ITIH5: variants seen among roughly 807,000 people sequenced by gnomAD.
ITIH5 encodes the protein inter-alpha-trypsin inhibitor heavy chain 5, also known as inter-alpha-trypsin inhibitor heavy chain H5.
A neutral mutation model predicts 77.5 loss-of-function variants in ITIH5; 65 were observed. The observed-to-expected ratio is 0.84, with a 90% confidence interval of 0.69 to 1.03. The LOEUF is 1.03. Among genes scored for constraint, ITIH5 ranks in the 50% least tolerant of loss-of-function variants. The pLI is 0.00. For missense variants in ITIH5, 1,208 were observed against 1,213.1 expected (o/e 1.00, Z 0.06); for synonymous variants, 525 against 494.3 (o/e 1.06, Z -0.82).
At position 7,576,473 on chromosome 10, in the gene ITIH5, C is replaced by T. The variant is rs369347222; in HGVS notation, c.1958G>A (p.Arg653Gln). Residue 653 changes from arginine (R) to glutamine (Q), a missense_variant, in exon 10 of 14, where the codon CGA (arginine) becomes CAA (glutamine). Physicochemically the swap from Arg to Gln is conservative, Grantham distance 43. Transcript: ENST00000397146. The part of the protein sequence containing the change: ...MGPEPVVQSV[R>Q]GAGTQPGPLL... ...CGTACCTGGCTGCGTGCCAGCTCCTCGCACGCTCTGCACCACCGGTTCGGG... is the reference window on the plus strand; with the variant it reads ...CGTACCTGGCTGCGTGCCAGCTCCTTGCACGCTCTGCACCACCGGTTCGGG... 23 of 1,600,950 alleles carry T rather than the reference C, an allele frequency of 1.4e-5. No homozygotes were observed. Among genetic ancestry groups the T allele is most frequent in the East Asian group, 6.7e-5 (3 of 44,664 alleles).
chr10:7,570,009 A>C, intron 11 of ITIH5: 1 of 446,994 alleles, frequency 2.2e-6, no homozygotes, highest in South Asian at 3.8e-5. Context: ...CAGGTCTTCT[A>C]AATTCCAATA....
chr10:7,565,050 C>CATATATACACACATAGACTGTATATAT (rs1832116461), intron 13 of ITIH5, among the ~76,000 whole-genome samples: 1 of 130,838 alleles, frequency 7.6e-6, no homozygotes, highest in Admixed American at 8.5e-5. Flanking sequence ...TATATATATA[C>CATATATACACACATAGACTGTATATAT]ATATATACAC....
At chr10:7,628,627 T>C (rs1833629032) in intron 5 of ITIH5, among the ~76,000 whole-genome samples, 1 of 152,222 alleles carries the variant, frequency 6.6e-6, no homozygotes, top group African/African-American at 2.4e-5. Flanking sequence ...ATGGGATGTG[T>C]CCATGTTGTA....
chr10:7,617,523 G>C (rs749032942), intron 5 of ITIH5: 6 of 322,066 alleles, frequency 1.9e-5, no homozygotes, highest in Admixed American at 1.5e-4. Context: ...AAAGTAGAGA[G>C]AATAGTAAAA....
chr10:7,633,344 A>G (rs1191244479), intron 5 of ITIH5, among the ~76,000 whole-genome samples: 4 of 152,220 alleles, frequency 2.6e-5, no homozygotes, highest in Non-Finnish European at 5.9e-5. Context: ...GAAAGATCCC[A>G]TTAATTTACA....
intron 8 of ITIH5, among the ~76,000 whole-genome samples, chr10:7,580,583 T>G (rs929904891): frequency 6.6e-6 from 1 of 152,230 alleles, no homozygotes; most frequent in African/African-American, 2.4e-5. Flanking sequence ...CCAGAAGGCA[T>G]GTGGCGACGC....
intron 7 of ITIH5, among the ~76,000 whole-genome samples, chr10:7,598,683 A>AC (rs1408065813): frequency 6.6e-6 from 1 of 152,160 alleles, no homozygotes; most frequent in Non-Finnish European, 1.5e-5. Flanking sequence ...ATATATGTTT[A>AC]CCCCATCTAT....
chr10:7,599,119 AT>A lies in ITIH5; in HGVS notation c.940-13051del, dbSNP rs540394915. Among the ~76,000 whole-genome samples, 384 of 152,328 alleles carry A rather than the reference AT, an allele frequency of 2.5e-3. 1 individual carries two copies. Among genetic ancestry groups the A allele is most frequent in the African/African-American group, 9.0e-3 (375 of 41,586 alleles). On this transcript the variant is annotated intron_variant, in intron 7 of 13. Coordinates refer to ENST00000397146, the MANE Select transcript of ITIH5 (RefSeq NM_030569.7). ...TCTTTACGACATAGTAGGCAAATCC[AT>A]TTTTTATAGTTGATGTGTAAATAAC...
chr10:7,662,485 C>G (rs1338807924), intron 1 of ITIH5, among the ~76,000 whole-genome samples: 1 of 152,198 alleles, frequency 6.6e-6, no homozygotes, highest in Non-Finnish European at 1.5e-5. Context: ...CATCCTCTGT[C>G]CCCCATCTTC....
At position 7,637,444 on chromosome 10, in the gene ITIH5, C is replaced by T; in HGVS notation, c.436G>A (p.Val146Met). ...KGTEIFRASA[V>M]IPSKDKAAFF... ...GCGGCTTTGTCCTTGCTGGGAATCA[C>T]TGCAGAAGCTCTGAATATTTCAGTC... Residue 146 changes from valine to methionine, a missense_variant, in exon 5 of 14, where the codon GTG (valine) becomes ATG (methionine). Transcript: ENST00000397146. The T allele has an allele frequency of 6.2e-7, 1 of 1,614,128 alleles. No individual in the cohort carries two copies.
chr10:7,565,731 G>A (rs979166397), intron 13 of ITIH5, among the ~76,000 whole-genome samples: 1 of 147,050 alleles, frequency 6.8e-6, no homozygotes, highest in East Asian at 2.0e-4. Flanking sequence ...TATTTATATA[G>A]AGAGACTATA....
chr10:7,572,388 G>A, intron 11 of ITIH5: 2 of 1,366,284 alleles, frequency 1.5e-6, no homozygotes, highest in Non-Finnish European at 2.0e-6. Context: ...CTTCCCTTCT[G>A]AAGCCACGAA....
chr10:7,665,231 G>T (rs940556403), intron 1 of ITIH5, among the ~76,000 whole-genome samples: 6 of 152,084 alleles, frequency 3.9e-5, no homozygotes, highest in African/African-American at 9.7e-5. Context: ...CTTGAACTTG[G>T]TATATGCTAG....
rs961543286 is a variant in ITIH5 at position 7,637,303 on chromosome 10, C to G, written c.577G>C (p.Glu193Gln). 3 of 1,613,528 alleles carry G rather than the reference C, an allele frequency of 1.9e-6. No individual in the cohort carries two copies. In the African/African-American group the frequency reaches 4.0e-5, roughly 22 times the overall value. The change falls in exon 5 of 14, where the codon GAG becomes CAG. Residue 193 changes from glutamate to glutamine, a missense_variant. Physicochemically the swap from Glu to Gln is conservative, Grantham distance 29. Coordinates refer to ENST00000397146, the MANE Select transcript of ITIH5 (RefSeq NM_030569.7). Reference protein sequence around the residue: ...GRLSVDVNILESAGIASLEVL... With the variant: ...GRLSVDVNILQSAGIASLEVL... ...TCCAGGGATGCGATGCCCGCGCTCT[C>G]CAGGATATTCACGTCCACGCTCAGC...
rs910044979 is a variant in ITIH5, at chr10:7,560,749, A to G, written c.*2334T>C. The G allele has an allele frequency of 6.6e-6, 1 of 152,162 alleles. No homozygotes were observed. The highest frequency in any genetic ancestry group is 1.5e-5 in the Non-Finnish European group (1 of 68,034). The allele number at this position is 152,162 out of a possible 1,614,324, so 9.4% of individuals were successfully genotyped here. A position where few individuals can be genotyped will look rare whatever the true frequency, so the allele number is the denominator to read the frequency against. On this transcript the variant is annotated 3_prime_UTR_variant, in exon 14 of 14. Coordinates refer to ENST00000397146, the MANE Select transcript of ITIH5 (RefSeq NM_030569.7). ...ATTTCTTCATCTCATTCAATTACTC[A>G]TTTTGGAACAACCCTCGCCCTGGTT...
intron 2 of ITIH5, among the ~76,000 whole-genome samples, chr10:7,650,075 A>C (rs888346941): frequency 6.6e-6 from 1 of 152,152 alleles, no homozygotes; most frequent in African/African-American, 2.4e-5. Flanking sequence ...TGAGGCAGGG[A>C]GTGTCTTAAT....
chr10:7,595,850 T>C (rs1465704651), intron 7 of ITIH5, among the ~76,000 whole-genome samples: 1 of 151,804 alleles, frequency 6.6e-6, no homozygotes, highest in African/African-American at 2.4e-5. Flanking sequence ...CTACTAATAA[T>C]ACAAAAAATT....
Position 7,573,336 on chromosome 10 carries a change from A to C in ITIH5, c.1979-141T>G, listed in dbSNP as rs1231237497. 9 of 664,770 alleles carry C rather than the reference A, an allele frequency of 1.4e-5. No individual in the cohort carries two copies. The African/African-American group carries it at 1.5e-4, about 11-fold the overall frequency. The allele number at this position is 664,770 out of a possible 1,614,324, so 41.2% of individuals were successfully genotyped here. Reference sequence around the variant, plus strand: ...GCTTAAATAATCAAAAGACCTTTAAAACATCATCAGTCTTAAAAAGGGAGC... The same window carrying C: ...GCTTAAATAATCAAAAGACCTTTAACACATCATCAGTCTTAAAAAGGGAGC... On this transcript the variant is annotated intron_variant, in intron 10 of 13. Coordinates refer to ENST00000397146, the MANE Select transcript of ITIH5 (RefSeq NM_030569.7).
rs1307453608 is a variant in ITIH5, at chr10:7,604,822, T to C, written c.939+11160A>G. 5.7e-4 allele frequency among the ~76,000 whole-genome samples: 5 copies of C among 8,746 alleles called. No individual in the cohort carries two copies. The Non-Finnish European group carries it at 0.021, about 36-fold the overall frequency. 5.7% of individuals were successfully genotyped at this position (8,746 alleles called of 152,430 possible). On this transcript the variant is annotated intron_variant, in intron 7 of 13. Coordinates refer to ENST00000397146, the MANE Select transcript of ITIH5 (RefSeq NM_030569.7). ...TATGTTAGTTTTGAATAATGTAAGA[T>C]TGTTTCATTTTTTCTTCTTTTTTGA...
Sources: gnomAD v4.1 joint callset for allele counts (sites outside exome capture counted in the v4.1 genomes callset) on GRCh38, gnomAD v4.1.1 for gene constraint, MANE v1.5 for transcripts, NCBI Gene and HGNC (gene_info 2026-07-23, HGNC 2026-07-21) for gene names.